Variants in CA12 observed in about 807,000 individuals in gnomAD.
CA12 encodes carbonic anhydrase 12.
In CA12, 36 loss-of-function variants were observed where a neutral mutation model predicts 46.8. That is an observed-to-expected ratio of 0.77 (90% confidence interval 0.59 to 1.02). CA12 has a LOEUF of 1.02. CA12 is among the 50% of genes least tolerant of loss of function. CA12 has a pLI of 0.00. For missense variants in CA12, 436 were observed against 451.4 expected, an observed-to-expected ratio of 0.97 and a Z score of 0.31; for synonymous variants, 202 against 187.0, an observed-to-expected ratio of 1.08 and a Z score of -0.65.
At chr15:63,376,557 C>CCTTTCTTTTTT (rs1555432623) in intron 1 of CA12, among the ~76,000 whole-genome samples, 1 of 104,526 alleles carries the variant, frequency 9.6e-6, no homozygotes, top group African/African-American at 3.6e-5. Context: ...CTCTTTCTTT[C>CCTTTCTTTTTT]CTTTCTTTCT....
chr15:63,347,890 G>A (rs1224996487), intron 2 of CA12, among the ~76,000 whole-genome samples: 7 of 152,114 alleles, frequency 4.6e-5, no homozygotes, highest in African/African-American at 1.7e-4. Flanking sequence ...AGAGAAAAGG[G>A]GAAAGGAACA....
intron 8 of CA12, among the ~76,000 whole-genome samples, chr15:63,338,126 A>C (rs2039026088): frequency 6.6e-6 from 1 of 152,180 alleles, no homozygotes; most frequent in Non-Finnish European, 1.5e-5. Flanking sequence ...TTAATGTTCT[A>C]CTGGGGAGTT....
chr15:63,331,021 C>T lies in CA12; in HGVS notation c.875-2891G>A, dbSNP rs565044125. Reference sequence around the variant, plus strand: ...ATAAGCTGTTAAGGAAGAGGAATGCCGGCGAGGGTGTCACCCGATAGTTCC... The same window carrying T: ...ATAAGCTGTTAAGGAAGAGGAATGCTGGCGAGGGTGTCACCCGATAGTTCC... On this transcript the variant is annotated intron_variant, in intron 8 of 10. Transcript: ENST00000178638. This position sits in a 1 kb window ranked among gnomAD's most constrained non-coding sequence, Gnocchi z 5.3. 4.6e-5 allele frequency among the ~76,000 whole-genome samples: 7 copies of T among 152,306 alleles called. No homozygotes were observed. Among genetic ancestry groups the T allele is most frequent in the Admixed American group, 6.5e-5 (1 of 15,298 alleles).
intron 1 of CA12, among the ~76,000 whole-genome samples, chr15:63,376,514 T>C (rs578129839): frequency 6.7e-6 from 1 of 149,570 alleles, no homozygotes; most frequent in South Asian, 2.1e-4. Flanking sequence ...CCACTTTACA[T>C]TTTCTCTCTC....
At chr15:63,350,495 C>T (rs2039215322) in intron 2 of CA12, among the ~76,000 whole-genome samples, 1 of 152,216 alleles carries the variant, frequency 6.6e-6, no homozygotes, top group Non-Finnish European at 1.5e-5. Context: ...GTTGGTTGGA[C>T]TCCTCCCATG....
Position 63,324,569 on chromosome 15 carries a change from CAG to C in CA12, c.*1714_*1715del, listed in dbSNP as rs1413736672. ...GAGTGCACACACACACACAAACACA[CAG>C]AGAGACACACACACATTTGAGCTCC... On this transcript the variant is annotated 3_prime_UTR_variant, in exon 11 of 11. Coordinates refer to ENST00000178638, the MANE Select transcript of CA12 (RefSeq NM_001218.5). The C allele has an allele frequency of 1.3e-5, 2 of 152,236 alleles. No individual in the cohort carries two copies. The highest frequency in any genetic ancestry group is 4.8e-5 in the African/African-American group (2 of 41,428). 9.4% of individuals were successfully genotyped at this position (152,236 alleles called of 1,614,324 possible).
At position 63,334,255 on chromosome 15, in the gene CA12, T is replaced by C. The variant is rs986268478; in HGVS notation, c.874+4564A>G. 1.6e-3 allele frequency among the ~76,000 whole-genome samples: 216 copies of C among 132,194 alleles called. 2 individuals are homozygous for C. Among genetic ancestry groups the C allele is most frequent in the Non-Finnish European group, 2.6e-3 (161 of 62,458 alleles). The allele number at this position is 132,194 out of a possible 152,430, so 86.7% of individuals were successfully genotyped here. ...TTGGAAGAGGCACTTTTTTTTTTTT[T>C]TTTTTTTTTTTTTTTTTTCAGATGG... On this transcript the variant is annotated intron_variant, in intron 8 of 10. Transcript: ENST00000178638.
intron 2 of CA12, among the ~76,000 whole-genome samples, chr15:63,360,095 T>C (rs1269922040): frequency 2.0e-5 from 3 of 152,182 alleles, no homozygotes; most frequent in Non-Finnish European, 4.4e-5. Context: ...GTCTGCCAGT[T>C]TCATGGATAT....
chr15:63,343,279 CTTTTTTTTTT>C (rs35290345), intron 4 of CA12, among the ~76,000 whole-genome samples: 4,633 of 98,862 alleles, frequency 0.047, 220 homozygotes, highest in East Asian at 0.24. Context: ...TAGAAAGAAT[CTTTTTTTTTT>C]TTTTTTTTTT....
intron 2 of CA12, among the ~76,000 whole-genome samples, chr15:63,351,881 C>T (rs558452222): frequency 1.3e-5 from 2 of 152,184 alleles, no homozygotes; most frequent in Non-Finnish European, 2.9e-5. Flanking sequence ...TTTCAAAGAC[C>T]TTTGGAAGAC....
chr15:63,338,783 C>G (rs138692560), intron 8 of CA12, 36 bp downstream of exon 8: 4 of 1,612,842 alleles, frequency 2.5e-6, no homozygotes, highest in Non-Finnish European at 3.4e-6. Context: ...GCACCACACT[C>G]CCGCACCCCC....
At chr15:63,359,251 A>G (rs2039330025) in intron 2 of CA12, among the ~76,000 whole-genome samples, 1 of 151,988 alleles carries the variant, frequency 6.6e-6, no homozygotes, top group Non-Finnish European at 1.5e-5. Context: ...CAGGCTAGCA[A>G]ATCATTTTTA....
rs1161424659 is a variant in CA12, at chr15:63,341,977, T to C, written c.525+25A>G. 1.9e-6 allele frequency: 3 copies of C among 1,547,898 alleles called. No individual in the cohort carries two copies. The South Asian group carries it at 3.4e-5, about 17-fold the overall frequency. On this transcript the variant is annotated intron_variant, in intron 5 of 10. Coordinates refer to ENST00000178638, the MANE Select transcript of CA12 (RefSeq NM_001218.5). This position sits in a 1 kb window ranked among gnomAD's most constrained non-coding sequence, Gnocchi z 5.2. Reference sequence around the variant, plus strand: ...TCTCATCCCTGCTTCAAATTTCACCTAAGAACCTTTTAAATATCTCTTACC... The same window carrying C: ...TCTCATCCCTGCTTCAAATTTCACCCAAGAACCTTTTAAATATCTCTTACC...
intron 8 of CA12, among the ~76,000 whole-genome samples, chr15:63,335,315 A>G (rs531940220): frequency 1.3e-5 from 2 of 152,314 alleles, no homozygotes; most frequent in East Asian, 3.9e-4. Context: ...GACAGAAATC[A>G]GGTCCTGTAC....
rs1270256925 is a variant in CA12 at position 63,322,075 on chromosome 15, T to C, written c.*4210A>G. On this transcript the variant is annotated 3_prime_UTR_variant, in exon 11 of 11. Coordinates refer to ENST00000178638, the MANE Select transcript of CA12 (RefSeq NM_001218.5). The surrounding 1 kb of genome is among the most constrained non-coding windows in gnomAD (Gnocchi z 4.1). ...TTGAGCGCTTGGAATGTGACTTAAC[T>C]GAGAAACGCTACTTTATTTTAATAA... The C allele has an allele frequency of 6.6e-6, 1 of 152,244 alleles. No homozygotes were observed. Among genetic ancestry groups the C allele is most frequent in the Non-Finnish European group, 1.5e-5 (1 of 68,052 alleles). 9.4% of individuals were successfully genotyped at this position (152,244 alleles called of 1,614,324 possible). A position where few individuals can be genotyped will look rare whatever the true frequency, so the allele number is the denominator to read the frequency against.
intron 8 of CA12, among the ~76,000 whole-genome samples, chr15:63,333,387 T>TC (rs2038960138): frequency 6.6e-6 from 1 of 152,154 alleles, no homozygotes; most frequent in African/African-American, 2.4e-5. Flanking sequence ...GGGTTTTCTG[T>TC]CCCCCATAGC....
intron 8 of CA12, among the ~76,000 whole-genome samples, chr15:63,337,409 G>A (rs775433159): frequency 2.8e-4 from 42 of 152,162 alleles, no homozygotes; most frequent in Admixed American, 6.5e-5. Flanking sequence ...CAGGTGAGAC[G>A]AGGAGAGCAG....
intron 2 of CA12, among the ~76,000 whole-genome samples, chr15:63,350,797 C>T (rs2039219467): frequency 6.6e-6 from 1 of 152,154 alleles, no homozygotes; most frequent in South Asian, 2.1e-4. Context: ...GTGGAATGAA[C>T]CCCATGTCAC....
chr15:63,339,906 C>G lies in CA12; in HGVS notation c.747+382G>C. 3.0e-6 allele frequency: 1 copy of G among 328,180 alleles called. No homozygotes were observed. The highest frequency in any genetic ancestry group is 5.9e-6 in the Non-Finnish European group (1 of 169,734). The allele number at this position is 328,180 out of a possible 1,614,324, so 20.3% of individuals were successfully genotyped here. A position where few individuals can be genotyped will look rare whatever the true frequency, so the allele number is the denominator to read the frequency against. ...CTTGAGCTTCTTGGGGGCAGGGACC[C>G]TCACTTAGTCATTGCTGCAATCCCA... On this transcript the variant is annotated intron_variant, in intron 7 of 10. Transcript: ENST00000178638. This position sits in a 1 kb window ranked among gnomAD's most constrained non-coding sequence, Gnocchi z 4.3.
Sources: gnomAD v4.1 joint callset for allele counts (sites outside exome capture counted in the v4.1 genomes callset) on GRCh38, gnomAD v4.1.1 for gene constraint, Gnocchi (gnomAD v3.1) non-coding constraint, MANE v1.5 for transcripts, NCBI Gene and HGNC (gene_info 2026-07-23, HGNC 2026-07-21) for gene names.